Variants in ANKRD11 observed in about 807,000 individuals in gnomAD.
The protein encoded by ANKRD11 is ankyrin repeat domain 11.
ANKRD11 carries 17 observed loss-of-function variants against 195.7 expected under a neutral mutation model. That is an observed-to-expected ratio of 0.09 (90% CI 0.06 to 0.13). ANKRD11 has a LOEUF of 0.13. Ranked by LOEUF, ANKRD11 falls within the 10% of genes least tolerant of loss-of-function variation. The pLI is 1.00. For synonymous variants in ANKRD11, 1,953 were observed against 1,528.1 expected (o/e 1.28, Z -6.49); for missense variants, 3,735 against 3,566.1 (o/e 1.05, Z -1.21).
intron 2 of ANKRD11, among the ~76,000 whole-genome samples, chr16:89,362,437 C>T (rs2039772132): frequency 6.6e-6 from 1 of 152,184 alleles, no homozygotes; most frequent in Admixed American, 6.5e-5. Context: ...TGCACAGCTA[C>T]AGAATGAAGT....
intron 2 of ANKRD11, among the ~76,000 whole-genome samples, chr16:89,325,850 C>T (rs1053112485): frequency 6.6e-6 from 1 of 152,180 alleles, no homozygotes; most frequent in African/African-American, 2.4e-5. Flanking sequence ...GGGTCTTGGC[C>T]TCCTAGAGGA....
At chr16:89,302,294 C>T (rs2035905145) in intron 4 of ANKRD11, among the ~76,000 whole-genome samples, 1 of 152,166 alleles carries the variant, frequency 6.6e-6, no homozygotes, top group African/African-American at 2.4e-5. Context: ...TGCTCTGTTG[C>T]CAGGCTGGAG....
chr16:89,322,692 G>A (rs1211396538), intron 2 of ANKRD11, among the ~76,000 whole-genome samples: 1 of 152,248 alleles, frequency 6.6e-6, no homozygotes, highest in Non-Finnish European at 1.5e-5. Context: ...GTGGGGAAGG[G>A]GGAGTGAGGA....
chr16:89,469,859 G>A (rs911384939), intron 1 of ANKRD11, among the ~76,000 whole-genome samples: 9 of 147,160 alleles, frequency 6.1e-5, no homozygotes, highest in African/African-American at 1.2e-4. Context: ...GATCGCGCCC[G>A]GAGACAGAGT....
chr16:89,312,131 C>T (rs1018915838), intron 3 of ANKRD11, among the ~76,000 whole-genome samples: 3 of 152,194 alleles, frequency 2.0e-5, no homozygotes, highest in African/African-American at 7.2e-5. Context: ...CTCCCGACCT[C>T]GGGTGATCCT....
intron 2 of ANKRD11, among the ~76,000 whole-genome samples, chr16:89,333,132 G>C (rs1394297902): frequency 2.0e-5 from 3 of 152,236 alleles, no homozygotes; most frequent in Non-Finnish European, 4.4e-5. Context: ...GCTCAACAAT[G>C]CTCTGGGAAC....
Position 89,337,429 on chromosome 16 carries a change from C to CTTTTTTTTTTTTTTTTTTTT in ANKRD11, c.-59-20371_-59-20352dup, listed in dbSNP as rs1165680827. ...ATACATGAACATGGTCTAAGCAATT[C>CTTTTTTTTTTTTTTTTTTTT]TTTTTTTTTTTTTTTTTTTTTTTTT... On this transcript the variant is annotated intron_variant, in intron 2 of 12. Coordinates refer to ENST00000301030, the MANE Select transcript of ANKRD11 (RefSeq NM_013275.6). Among the ~76,000 whole-genome samples the CTTTTTTTTTTTTTTTTTTTT allele has an allele frequency of 3.8e-5, 2 of 53,118 alleles. 1 individual carries two copies. The highest frequency in any genetic ancestry group is 6.4e-5 in the Non-Finnish European group (2 of 31,398). 34.8% of individuals were successfully genotyped at this position (53,118 alleles called of 152,430 possible).
rs529756474 is a variant in ANKRD11 at position 89,487,394 on chromosome 16, T to A, written c.-145+2851A>T. 2.0e-5 allele frequency among the ~76,000 whole-genome samples: 3 copies of A among 152,368 alleles called. No individual in the cohort carries two copies. The South Asian group carries it at 6.2e-4, about 32-fold the overall frequency. ...ATACTCTCTAATTATGTTATTTAAT[T>A]GATGATGGGCTCTCTGCCCATATGC... On this transcript the variant is annotated intron_variant, in intron 1 of 12. Coordinates refer to ENST00000301030, the MANE Select transcript of ANKRD11 (RefSeq NM_013275.6).
intron 2 of ANKRD11, among the ~76,000 whole-genome samples, chr16:89,414,312 C>T (rs1283776130): frequency 6.6e-6 from 1 of 152,076 alleles, no homozygotes; most frequent in Non-Finnish European, 1.5e-5. Flanking sequence ...TTTGAAAGTC[C>T]CATTTCACAG....
intron 1 of ANKRD11, among the ~76,000 whole-genome samples, chr16:89,465,038 G>C (rs1446431388): frequency 6.6e-6 from 1 of 152,234 alleles, no homozygotes; most frequent in Non-Finnish European, 1.5e-5. Flanking sequence ...ACATTTTGTG[G>C]TAAGTGAAAA....
At chr16:89,424,172 G>A (rs1419714491) in intron 1 of ANKRD11, among the ~76,000 whole-genome samples, 1 of 152,164 alleles carries the variant, frequency 6.6e-6, no homozygotes, top group African/African-American at 2.4e-5. Context: ...CTTCCTGGCT[G>A]GGCGCAGTGG....
Position 89,418,270 on chromosome 16 carries a change from C to T in ANKRD11, c.-60+14G>A, listed in dbSNP as rs552841577. On this transcript the variant is annotated intron_variant, in intron 2 of 12. Coordinates refer to ENST00000301030, the MANE Select transcript of ANKRD11 (RefSeq NM_013275.6). ...CAAAAACATAAATTGATAGAGAATG[C>T]AGTGAGTATTTACCGATTCCATAGC... 24 of 453,814 alleles carry T rather than the reference C, an allele frequency of 5.3e-5. 1 individual carries two copies. The highest frequency in any genetic ancestry group is 4.4e-4 in the African/African-American group (22 of 50,122). 28.1% of individuals were successfully genotyped at this position (453,814 alleles called of 1,614,324 possible).
At chr16:89,437,126 C>A (rs761288084) in intron 1 of ANKRD11, among the ~76,000 whole-genome samples, 15 of 152,156 alleles carry the variant, frequency 9.9e-5, no homozygotes, top group African/African-American at 2.9e-4. Context: ...ATTTTCACAA[C>A]AGGGAAGGGA....
At chr16:89,470,271 C>G (rs889321274) in intron 1 of ANKRD11, among the ~76,000 whole-genome samples, 9 of 152,092 alleles carry the variant, frequency 5.9e-5, no homozygotes. Flanking sequence ...AAGTAACTTA[C>G]TCATGGTCAT....
chr16:89,454,486 T>A (rs1425788541), intron 1 of ANKRD11, among the ~76,000 whole-genome samples: 1 of 152,166 alleles, frequency 6.6e-6, no homozygotes, highest in Non-Finnish European at 1.5e-5. Context: ...TAAGCACTGC[T>A]CATATATTAA....
At chr16:89,446,963 C>A (rs1021681559) in intron 1 of ANKRD11, among the ~76,000 whole-genome samples, 2 of 152,128 alleles carry the variant, frequency 1.3e-5, no homozygotes, top group Non-Finnish European at 2.9e-5. Flanking sequence ...AAGTGCCTCA[C>A]GGGCCAGGTC....
intron 1 of ANKRD11, among the ~76,000 whole-genome samples, chr16:89,481,408 G>T (rs1049684274): frequency 1.3e-5 from 2 of 152,064 alleles, no homozygotes; most frequent in Non-Finnish European, 2.9e-5. Context: ...TTTCTACAAA[G>T]AATTTTTAAA....
intron 1 of ANKRD11, among the ~76,000 whole-genome samples, chr16:89,467,315 A>C (rs1416048007): frequency 1.3e-5 from 2 of 151,424 alleles, no homozygotes; most frequent in Admixed American, 6.6e-5. Context: ...GGTGGCACGC[A>C]CCTGTAGTCT....
At chr16:89,467,815 T>C (rs1048378024) in intron 1 of ANKRD11, among the ~76,000 whole-genome samples, 2 of 152,160 alleles carry the variant, frequency 1.3e-5, no homozygotes, top group Non-Finnish European at 2.9e-5. Context: ...TTTGTTTGTT[T>C]GTTGAGACAA....
Sources: gnomAD v4.1 joint callset for allele counts (sites outside exome capture counted in the v4.1 genomes callset) on GRCh38, gnomAD v4.1.1 for gene constraint, MANE v1.5 for transcripts, NCBI Gene and HGNC (gene_info 2026-07-23, HGNC 2026-07-21) for gene names.